NTRK2: variants seen among roughly 807,000 people sequenced by gnomAD.
NTRK2 encodes the protein BDNF/NT-3 growth factors receptor.
A neutral mutation model predicts 94.5 loss-of-function variants in NTRK2; 13 were observed. The observed-to-expected ratio is 0.14, with a 90% CI of 0.09 to 0.22. NTRK2 has a LOEUF of 0.22. Ranked by LOEUF, NTRK2 falls within the 10% of genes least tolerant of loss-of-function variation. The pLI is 1.00. For synonymous variants in NTRK2, 372 were observed against 407.4 expected (o/e 0.91, Z 1.05); for missense variants, 639 against 1,071.2 (o/e 0.60, Z 5.63).
chr9:84,710,042 C>T (rs183012166), intron 5 of NTRK2, among the ~76,000 whole-genome samples: 3 of 152,062 alleles, frequency 2.0e-5, no homozygotes, highest in Admixed American at 2.0e-4. Context: ...TTCTCTCTCT[C>T]ACCTTTACTC....
At chr9:84,802,140 A>AG (rs1402193657) in intron 12 of NTRK2, among the ~76,000 whole-genome samples, 1 of 152,208 alleles carries the variant, frequency 6.6e-6, no homozygotes, top group African/African-American at 2.4e-5. Context: ...TTTTGGGTAC[A>AG]TTAAATTTTT....
At chr9:85,008,653 G>A (rs1021659260) in intron 17 of NTRK2, among the ~76,000 whole-genome samples, 20 of 152,182 alleles carry the variant, frequency 1.3e-4, no homozygotes, top group African/African-American at 4.1e-4. Context: ...GGGAGGTGAT[G>A]TCTTGCCCAA....
chr9:85,019,646 T>C, intron 17 of NTRK2, among the ~76,000 whole-genome samples: 1 of 152,224 alleles, frequency 6.6e-6, no homozygotes, highest in East Asian at 1.9e-4. Flanking sequence ...CTGAGTTTTG[T>C]TTCTGTAAGC....
intron 15 of NTRK2, among the ~76,000 whole-genome samples, chr9:84,937,555 C>T (rs2078253455): frequency 6.6e-6 from 1 of 152,212 alleles, no homozygotes; most frequent in African/African-American, 2.4e-5. Context: ...ATGCCTCTCC[C>T]ATCAGAGTAT....
Position 84,860,716 on chromosome 9 carries a change from A to G in NTRK2, c.1397-324A>G, listed in dbSNP as rs564834754. On this transcript the variant is annotated intron_variant, in intron 12 of 18. Coordinates refer to ENST00000277120, the MANE Select transcript of NTRK2 (RefSeq NM_006180.6). ...GGGGAAGAAAGAAAGTGAGAAAGAA[A>G]GAAAACAGCTCAGAGCCCTTAACCC... 2.8e-3 allele frequency among the ~76,000 whole-genome samples: 422 copies of G among 152,278 alleles called. 3 individuals are homozygous for G. Among genetic ancestry groups the G allele is most frequent in the Non-Finnish European group, 5.0e-3 (337 of 68,026 alleles).
chr9:84,747,413 TC>T (rs1157111733), intron 11 of NTRK2, among the ~76,000 whole-genome samples: 1 of 151,530 alleles, frequency 6.6e-6, no homozygotes. Context: ...ACGTAAGAAA[TC>T]CAAGCAGCAT....
At chr9:84,870,097 C>CTA (rs67434914) in intron 14 of NTRK2, among the ~76,000 whole-genome samples, 7,890 of 99,458 alleles carry the variant, frequency 0.079, 312 homozygotes, top group Non-Finnish European at 0.087. Context: ...TTCCCATTGA[C>CTA]TATATATATA....
In NTRK2 at chr9:84,958,398, C is replaced by T. The variant is rs557884048; in HGVS notation, c.2172+2881C>T. Among the ~76,000 whole-genome samples, 11 of 152,300 alleles carry T rather than the reference C, an allele frequency of 7.2e-5. No individual in the cohort carries two copies. The East Asian group carries it at 2.1e-3, about 29-fold the overall frequency. ...GACTTTGCCATCTACCATATTTTAA[C>T]ATTTGTTAAAAAGAAAATCCTCCAC... is the stretch of plus-strand genomic sequence containing the variant. On this transcript the variant is annotated intron_variant, in intron 17 of 18. Transcript: ENST00000277120.
At chr9:84,975,752 A>G (rs1473530877) in intron 17 of NTRK2, among the ~76,000 whole-genome samples, 1 of 147,818 alleles carries the variant, frequency 6.8e-6, no homozygotes. Context: ...CTTGGTAGGA[A>G]ATATGTGTGA....
intron 17 of NTRK2, among the ~76,000 whole-genome samples, chr9:85,008,887 C>T (rs1376749264): frequency 6.6e-6 from 1 of 152,248 alleles, no homozygotes; most frequent in Non-Finnish European, 1.5e-5. Context: ...AGGTCCCAGC[C>T]ATAGGGCTGT....
chr9:84,768,594 T>C lies in NTRK2; in HGVS notation c.1396+16509T>C, dbSNP rs193033614. ...TAGGTGCAAAAACTTAAGGTGCCCATTAATCATCAATATGATCTCTCTGTT... is the reference window on the plus strand; with the variant it reads ...TAGGTGCAAAAACTTAAGGTGCCCACTAATCATCAATATGATCTCTCTGTT... On this transcript the variant is annotated intron_variant, in intron 12 of 18. Coordinates refer to ENST00000277120, the MANE Select transcript of NTRK2 (RefSeq NM_006180.6). Among the ~76,000 whole-genome samples, 14 of 152,314 alleles carry C rather than the reference T, an allele frequency of 9.2e-5. No homozygotes were observed. The East Asian group carries it at 2.5e-3, about 27-fold the overall frequency.
At chr9:85,002,442 A>G (rs568211602) in intron 17 of NTRK2, among the ~76,000 whole-genome samples, 3 of 152,242 alleles carry the variant, frequency 2.0e-5, no homozygotes, top group East Asian at 1.9e-4. Flanking sequence ...TTACTTTATA[A>G]TGCTCAGTTT....
At position 85,024,948 on chromosome 9, in the gene NTRK2, C is replaced by T. The variant is rs1469579136; in HGVS notation, c.*3511C>T. The T allele has an allele frequency of 1.3e-5, 3 of 232,868 alleles. No individual in the cohort carries two copies. The highest frequency in any genetic ancestry group is 2.2e-5 in the African/African-American group (1 of 45,306). The allele number at this position is 232,868 out of a possible 1,614,324, so 14.4% of individuals were successfully genotyped here. A position where few individuals can be genotyped will look rare whatever the true frequency, so the allele number is the denominator to read the frequency against. ...TACTTGATTTATACATATACAAATG[C>T]ACATACGTAGTGTGTTTGTGTGTTT... On this transcript the variant is annotated 3_prime_UTR_variant, in exon 19 of 19. Transcript: ENST00000277120.
intron 12 of NTRK2, among the ~76,000 whole-genome samples, chr9:84,846,067 A>G (rs117974869): frequency 0.012 from 1,883 of 152,326 alleles, 21 homozygotes; most frequent in Non-Finnish European, 0.021. Flanking sequence ...GGACATAAAT[A>G]GAGATATCTC....
intron 12 of NTRK2, among the ~76,000 whole-genome samples, chr9:84,844,524 C>T (rs2074359870): frequency 6.6e-6 from 1 of 151,952 alleles, no homozygotes; most frequent in Non-Finnish European, 1.5e-5. Context: ...GTGGTCTTTT[C>T]CTGCCCTTCT....
chr9:84,801,170 G>A (rs1481953465), intron 12 of NTRK2, among the ~76,000 whole-genome samples: 2 of 152,102 alleles, frequency 1.3e-5, no homozygotes, highest in Non-Finnish European at 2.9e-5. Context: ...CATCTCTATT[G>A]TAAAGTTGGA....
chr9:84,925,201 C>CTTTTTTTTTTTT (rs562875058), intron 14 of NTRK2, among the ~76,000 whole-genome samples: 1 of 141,288 alleles, frequency 7.1e-6, no homozygotes, highest in Admixed American at 7.2e-5. Context: ...TTCTCTTCTT[C>CTTTTTTTTTTTT]TTTTTTTTTT....
intron 12 of NTRK2, among the ~76,000 whole-genome samples, chr9:84,821,451 T>C (rs954620903): frequency 6.6e-6 from 1 of 152,230 alleles, no homozygotes; most frequent in African/African-American, 2.4e-5. Flanking sequence ...CAGTGCTTAC[T>C]GTGCTGTAAC....
chr9:84,699,775 T>G lies in NTRK2; in HGVS notation c.213-2384T>G, dbSNP rs1259704460. Among the ~76,000 whole-genome samples the G allele has an allele frequency of 2.6e-5, 4 of 152,278 alleles. No homozygotes were observed. In the East Asian group the frequency reaches 5.8e-4, roughly 22 times the overall value. ...TTTTAAATTGTTTTTTTTCTTTTTT[T>G]TCCCACATAGTTTTGTGCAATCCAT... On this transcript the variant is annotated intron_variant, in intron 2 of 18. Coordinates refer to ENST00000277120, the MANE Select transcript of NTRK2 (RefSeq NM_006180.6).
Sources: gnomAD v4.1 joint callset for allele counts (sites outside exome capture counted in the v4.1 genomes callset) on GRCh38, gnomAD v4.1.1 for gene constraint, MANE v1.5 for transcripts, NCBI Gene and HGNC (gene_info 2026-07-23, HGNC 2026-07-21) for gene names.